Variants in CNTNAP4 observed in about 807,000 individuals in gnomAD.
CNTNAP4 encodes the protein contactin associated protein family member 4.
A neutral mutation model predicts 148.4 loss-of-function variants in CNTNAP4; 98 were observed. The ratio of observed to expected loss-of-function variants is 0.66; its 90% CI spans 0.56 to 0.78. The LOEUF (loss-of-function observed/expected upper bound fraction) is 0.78. Ranked by LOEUF, CNTNAP4 falls within the 30% of genes least tolerant of loss-of-function variation. The pLI is 0.00. For missense variants in CNTNAP4, 1,935 were observed against 1,565.6 expected, an observed-to-expected ratio of 1.24 and a Z score of -3.98; for synonymous variants, 730 against 565.1, an observed-to-expected ratio of 1.29 and a Z score of -4.14.
chr16:76,375,407 G>A (rs909014058), intron 3 of CNTNAP4, among the ~76,000 whole-genome samples: 8 of 152,274 alleles, frequency 5.3e-5, no homozygotes, highest in Admixed American at 2.6e-4. Context: ...AGGTGACAGA[G>A]CAAGGCTGTC....
Position 76,342,465 on chromosome 16 carries a change from C to CTTTTTTTTTTTTTTTTTTTTTTTTT in CNTNAP4, c.197-12852_197-12828dup, listed in dbSNP as rs397854943. Among the ~76,000 whole-genome samples, 2 of 91,490 alleles carry CTTTTTTTTTTTTTTTTTTTTTTTTT rather than the reference C, an allele frequency of 2.2e-5. 1 individual carries two copies. The highest frequency in any genetic ancestry group is 1.0e-4 in the African/African-American group (2 of 19,710). 60.0% of individuals were successfully genotyped at this position (91,490 alleles called of 152,430 possible). On this transcript the variant is annotated intron_variant, in intron 2 of 23. Coordinates refer to ENST00000611870, the MANE Select transcript of CNTNAP4 (RefSeq NM_033401.5). ...TCCTAAAATTATAAATTGCTAATTT[C>CTTTTTTTTTTTTTTTTTTTTTTTTT]TTTTTTTTTTTTTTTTTTTTTTTTT... is the stretch of plus-strand genomic sequence containing the variant.
intron 2 of CNTNAP4, among the ~76,000 whole-genome samples, chr16:76,341,137 G>T (rs1236607646): frequency 6.6e-6 from 1 of 152,134 alleles, no homozygotes; most frequent in Non-Finnish European, 1.5e-5. Flanking sequence ...GGTCATTCCT[G>T]TTAGTCCTTC....
intron 3 of CNTNAP4, among the ~76,000 whole-genome samples, chr16:76,416,655 G>A (rs138488953): frequency 2.6e-3 from 392 of 151,434 alleles, no homozygotes; most frequent in African/African-American, 9.0e-3. Context: ...TTTTATGACC[G>A]ATAATACATG....
rs16944308 is a variant in CNTNAP4 at position 76,370,221 on chromosome 16, A to C, written c.390+14710A>C. The stretch of plus-strand genomic sequence containing the variant: ...TATTGTTCAATATTTTAGTAGTTTA[A>C]ATCCATATATATAGCTGTGTGGGTT... On this transcript the variant is annotated intron_variant, in intron 3 of 23. Coordinates refer to ENST00000611870, the MANE Select transcript of CNTNAP4 (RefSeq NM_033401.5). Among the ~76,000 whole-genome samples, 1,469 of 151,842 alleles carry C rather than the reference A, an allele frequency of 9.7e-3. 32 individuals are homozygous for C. The highest frequency in any genetic ancestry group is 0.034 in the African/African-American group (1,397 of 41,138).
At chr16:76,471,489 C>G (rs976872767) in intron 10 of CNTNAP4, among the ~76,000 whole-genome samples, 1 of 152,166 alleles carries the variant, frequency 6.6e-6, no homozygotes, top group African/African-American at 2.4e-5. Flanking sequence ...TCCTGGCTTC[C>G]TTGCCTCCAG....
At chr16:76,541,414 C>T (rs934983422) in intron 21 of CNTNAP4, among the ~76,000 whole-genome samples, 2 of 152,144 alleles carry the variant, frequency 1.3e-5, no homozygotes, top group African/African-American at 4.8e-5. Context: ...CACTTGCCAA[C>T]AAGGATTAAA....
intron 1 of CNTNAP4, among the ~76,000 whole-genome samples, chr16:76,291,602 T>G (rs562019224): frequency 1.6e-4 from 25 of 152,302 alleles, no homozygotes; most frequent in Non-Finnish European, 3.4e-4. Flanking sequence ...AAAAGTTGAT[T>G]GTACAGTTTG....
rs759040482 is a variant in CNTNAP4, at chr16:76,535,629, G to T, written c.2840G>T (p.Arg947Ile). Residue 947 changes from arginine to isoleucine, a missense_variant, in exon 18 of 24, where the codon AGA becomes ATA. By Grantham distance (97) the Arg-to-Ile change is moderately conservative. Coordinates refer to ENST00000611870, the MANE Select transcript of CNTNAP4 (RefSeq NM_033401.5). The part of the protein sequence containing the change: ...LNGMTLDLEE[R>I]AQVTPEVQPG... ...GGGATGACCCTGGATTTGGAAGAAA[G>T]AGCCCAGGTGACTCCAGAAGTGCAG... The T allele has an allele frequency of 2.5e-5, 40 of 1,613,946 alleles. No individual in the cohort carries two copies. Among genetic ancestry groups the T allele is most frequent in the Non-Finnish European group, 3.1e-5 (37 of 1,180,038 alleles).
rs1187910516 is a variant in CNTNAP4, at chr16:76,514,538, C to G, written c.2366-6602C>G. On this transcript the variant is annotated intron_variant, in intron 15 of 23. Transcript: ENST00000611870. Reference sequence around the variant, plus strand: ...TCTGCCTTCATAAAAGGAATTTTCACTTTCCATTTGCCACATCTATCTTAC... The same window carrying G: ...TCTGCCTTCATAAAAGGAATTTTCAGTTTCCATTTGCCACATCTATCTTAC... 5.9e-5 allele frequency among the ~76,000 whole-genome samples: 9 copies of G among 152,164 alleles called. No homozygotes were observed. In the East Asian group the frequency reaches 1.7e-3, roughly 29 times the overall value.
intron 3 of CNTNAP4, among the ~76,000 whole-genome samples, chr16:76,404,886 A>G (rs1292187746): frequency 1.3e-5 from 2 of 152,144 alleles, no homozygotes; most frequent in Non-Finnish European, 2.9e-5. Flanking sequence ...TATTTTCATA[A>G]CATAAAAATG....
intron 3 of CNTNAP4, among the ~76,000 whole-genome samples, chr16:76,420,281 ATATT>A (rs2079142420): frequency 6.6e-6 from 1 of 151,606 alleles, no homozygotes; most frequent in South Asian, 2.1e-4. Context: ...TAGGAGATAA[ATATT>A]AATTTCCCTT....
At chr16:76,453,553 T>G (rs2080603776) in intron 8 of CNTNAP4, among the ~76,000 whole-genome samples, 1 of 152,190 alleles carries the variant, frequency 6.6e-6, no homozygotes, top group Non-Finnish European at 1.5e-5. Flanking sequence ...AGAGGTTGCC[T>G]TGGGGTAAAT....
At chr16:76,305,248 G>T (rs754199355) in intron 1 of CNTNAP4, among the ~76,000 whole-genome samples, 4 of 151,940 alleles carry the variant, frequency 2.6e-5, no homozygotes, top group Non-Finnish European at 4.4e-5. Context: ...ACAATTTCCT[G>T]GTTTAATTCT....
intron 19 of CNTNAP4, 43 bp downstream of exon 19, chr16:76,538,383 A>T: frequency 7.3e-7 from 1 of 1,373,378 alleles, no homozygotes; most frequent in Non-Finnish European, 1.0e-6. Flanking sequence ...AAATTAGAAC[A>T]CTAGCTCTGT....
At chr16:76,476,156 T>C in intron 11 of CNTNAP4, 111 bp downstream of exon 11, 1 of 665,932 alleles carries the variant, frequency 1.5e-6, no homozygotes, top group Non-Finnish European at 2.6e-6. Flanking sequence ...CAGCATCCAG[T>C]GGTTAATCCA....
In CNTNAP4 at chr16:76,376,809, G is replaced by C. The variant is rs150001290; in HGVS notation, c.390+21298G>C. On this transcript the variant is annotated intron_variant, in intron 3 of 23. Coordinates refer to ENST00000611870, the MANE Select transcript of CNTNAP4 (RefSeq NM_033401.5). The stretch of plus-strand genomic sequence containing the variant: ...CATGGAGGAAGAGAAGTACCATGGA[G>C]TCAGAACCATGTAGAAAAGGAAGTG... Among the ~76,000 whole-genome samples, 397 of 152,262 alleles carry C rather than the reference G, an allele frequency of 2.6e-3. 1 individual carries two copies. The highest frequency in any genetic ancestry group is 9.2e-3 in the African/African-American group (384 of 41,540).
At chr16:76,302,319 C>G (rs1365868526) in intron 1 of CNTNAP4, among the ~76,000 whole-genome samples, 1 of 152,112 alleles carries the variant, frequency 6.6e-6, no homozygotes, top group African/African-American at 2.4e-5. Context: ...AAGGATCAAT[C>G]CTATGATCTC....
At chr16:76,461,052 A>G (rs2080941994) in intron 8 of CNTNAP4, among the ~76,000 whole-genome samples, 3 of 151,874 alleles carry the variant, frequency 2.0e-5, no homozygotes, top group Admixed American at 6.6e-5. Flanking sequence ...CTTATGGCCA[A>G]CAGCACCCTA....
At chr16:76,450,388 G>C (rs2080417278) in intron 7 of CNTNAP4, among the ~76,000 whole-genome samples, 1 of 152,146 alleles carries the variant, frequency 6.6e-6, no homozygotes, top group Non-Finnish European at 1.5e-5. Flanking sequence ...GACCTTGGGT[G>C]ATCCGCCTGC....
Sources: allele counts gnomAD v4.1 joint callset (sites outside exome capture counted in the v4.1 genomes callset), GRCh38; gene constraint gnomAD v4.1.1; transcripts MANE v1.5; gene names NCBI Gene and HGNC (gene_info 2026-07-23, HGNC 2026-07-21).